LYPLA1: variants seen among roughly 807,000 people sequenced by gnomAD.
LYPLA1 encodes lysophospholipase 1, also known as acyl-protein thioesterase 1.
A neutral mutation model predicts 34.0 loss-of-function variants in LYPLA1; 17 were observed. The ratio of observed to expected loss-of-function variants is 0.50; its 90% CI spans 0.34 to 0.75. The LOEUF (loss-of-function observed/expected upper bound fraction) is 0.75. Among genes scored for constraint, LYPLA1 ranks in the 30% least tolerant of loss-of-function variants. The pLI is 0.01. For synonymous variants in LYPLA1, 98 were observed against 100.8 expected, an observed-to-expected ratio of 0.97 and a Z score of 0.17; for missense variants, 203 against 288.8, an observed-to-expected ratio of 0.70 and a Z score of 2.15.
At position 54,084,124 on chromosome 8, in the gene LYPLA1, G is replaced by GGA. The variant is rs1554547911; in HGVS notation, c.101+16783_101+16784insTC. ...CTGCACTCCAGCCTGGGAGACCAAAGAAAAAAAAAATAAATAAATATATAT... is the reference window on the plus strand; with the variant it reads ...CTGCACTCCAGCCTGGGAGACCAAAGGAAAAAAAAAAATAAATAAATATATAT... On this transcript the variant is annotated intron_variant, in intron 2 of 8. Transcript: ENST00000316963. Among the ~76,000 whole-genome samples, 44 of 56,314 alleles carry GGA rather than the reference G, an allele frequency of 7.8e-4. 2 individuals are homozygous for GGA. The highest frequency in any genetic ancestry group is 3.7e-3 in the African/African-American group (41 of 11,152). 36.9% of individuals were successfully genotyped at this position (56,314 alleles called of 152,430 possible). A position where few individuals can be genotyped will look rare whatever the true frequency, so the allele number is the denominator to read the frequency against.
chr8:54,090,422 C>T (rs1169630078), intron 2 of LYPLA1, among the ~76,000 whole-genome samples: 1 of 152,220 alleles, frequency 6.6e-6, no homozygotes, highest in African/African-American at 2.4e-5. Context: ...TACTGATGCA[C>T]ACACTATATT....
chr8:54,055,050 T>A lies in LYPLA1; in HGVS notation c.360+10A>T, dbSNP rs545931933. On this transcript the variant is annotated intron_variant, in intron 6 of 8. Transcript: ENST00000316963. The stretch of plus-strand genomic sequence containing the variant: ...GATGGTACTGACATTCCACTCAAAT[T>A]TTATCTTACCTGAGAAAACCCTCCC... 1.3e-6 allele frequency: 2 copies of A among 1,557,584 alleles called. No homozygotes were observed. The highest frequency in any genetic ancestry group is 2.2e-5 in the South Asian group (2 of 89,706).
At chr8:54,080,909 A>C (rs1808267775) in intron 2 of LYPLA1, among the ~76,000 whole-genome samples, 2 of 152,218 alleles carry the variant, frequency 1.3e-5, no homozygotes, top group Admixed American at 6.5e-5. Flanking sequence ...TTTAACATGA[A>C]TTTTAGAATT....
At chr8:54,061,532 C>T (rs755313489) in intron 5 of LYPLA1, among the ~76,000 whole-genome samples, 2 of 152,188 alleles carry the variant, frequency 1.3e-5, no homozygotes, top group South Asian at 2.1e-4. Context: ...TGAGTCCATG[C>T]GGACACTGTG....
intron 2 of LYPLA1, among the ~76,000 whole-genome samples, chr8:54,084,986 C>T (rs1405974006): frequency 6.9e-6 from 1 of 145,094 alleles, no homozygotes; most frequent in Non-Finnish European, 1.5e-5. Flanking sequence ...CTCCCTCTCC[C>T]TCCTCTCCCT....
At chr8:54,074,383 T>C (rs1335125225) in intron 2 of LYPLA1, among the ~76,000 whole-genome samples, 2 of 152,242 alleles carry the variant, frequency 1.3e-5, no homozygotes, top group Admixed American at 6.5e-5. Context: ...GCATTCTTCA[T>C]ACGTGGTTCA....
In LYPLA1 at chr8:54,101,862, G is replaced by C. The variant is rs781582022; in HGVS notation, c.-39C>G. ...TCACAGCGCAAGCGGAAGGAAGAGC[G>C]GGCGCCCGGCCGCGGCCCAAGGGCG... is the stretch of plus-strand genomic sequence containing the variant. On this transcript the variant is annotated 5_prime_UTR_variant, in exon 1 of 9. Coordinates refer to ENST00000316963, the MANE Select transcript of LYPLA1 (RefSeq NM_006330.4). 1.4e-5 allele frequency: 17 copies of C among 1,186,504 alleles called. No homozygotes were observed. In the East Asian group the frequency reaches 1.7e-4, roughly 12 times the overall value. The allele number at this position is 1,186,504 out of a possible 1,614,324, so 73.5% of individuals were successfully genotyped here.
chr8:54,084,848 C>G (rs551952006), intron 2 of LYPLA1, among the ~76,000 whole-genome samples: 3 of 152,158 alleles, frequency 2.0e-5, no homozygotes, highest in Admixed American at 2.0e-4. Flanking sequence ...ATTCAAGAAA[C>G]AAAATCTATA....
At chr8:54,073,227 C>A in intron 2 of LYPLA1, 1 of 825,156 alleles carries the variant, frequency 1.2e-6, no homozygotes. Flanking sequence ...AGATACAGGA[C>A]AGTAAGGAAC....
chr8:54,053,602 G>C (rs532153169), intron 6 of LYPLA1: 127 of 456,228 alleles, frequency 2.8e-4, no homozygotes, highest in African/African-American at 2.2e-3. Context: ...CCCAGGCAGT[G>C]ATGTTTTCTC....
At chr8:54,083,324 T>C (rs1586153462) in intron 2 of LYPLA1, among the ~76,000 whole-genome samples, 1 of 152,166 alleles carries the variant, frequency 6.6e-6, no homozygotes, top group Non-Finnish European at 1.5e-5. Flanking sequence ...CTTAGGAATA[T>C]TACTCTAAGC....
intron 5 of LYPLA1, among the ~76,000 whole-genome samples, chr8:54,057,217 A>G (rs999611693): frequency 6.6e-6 from 1 of 152,174 alleles, no homozygotes; most frequent in Admixed American, 6.5e-5. Flanking sequence ...ATAACTAAAA[A>G]TTGAGCTACC....
chr8:54,087,987 C>T (rs988894757), intron 2 of LYPLA1, among the ~76,000 whole-genome samples: 1 of 152,082 alleles, frequency 6.6e-6, no homozygotes, highest in Admixed American at 6.5e-5. Flanking sequence ...TTATTTGTCC[C>T]GACTGGCTAG....
chr8:54,096,155 G>A (rs576211452), intron 2 of LYPLA1, among the ~76,000 whole-genome samples: 1 of 152,160 alleles, frequency 6.6e-6, no homozygotes, highest in African/African-American at 2.4e-5. Context: ...TTCTTTAATA[G>A]TTCAGAAATA....
At chr8:54,100,852 CAA>C in intron 2 of LYPLA1, 54 bp downstream of exon 2, 1 of 1,442,862 alleles carries the variant, frequency 6.9e-7, no homozygotes, top group Non-Finnish European at 9.7e-7. Context: ...AACGCGTAAA[CAA>C]AAGTTGCATG....
chr8:54,080,786 C>G (rs1026814268), intron 2 of LYPLA1, among the ~76,000 whole-genome samples: 2 of 152,146 alleles, frequency 1.3e-5, no homozygotes, highest in Non-Finnish European at 2.9e-5. Context: ...CAAGGTTTCA[C>G]CATGTTGGCC....
At chr8:54,043,577 T>C (rs1805422054), downstream of LYPLA1, among the ~76,000 whole-genome samples, 1 of 151,490 alleles carries the variant, frequency 6.6e-6, no homozygotes, top group Non-Finnish European at 1.5e-5. Context: ...CCTGACCCTA[T>C]TTATTTTTTA....
In LYPLA1 at chr8:54,101,525, C is replaced by T. The variant is rs1167713425; in HGVS notation, c.69+230G>A. ...CGCGGGGGTCCCGGGGCCACACTTCCTCCGCAATGCAGGGAGGAGCTGGGG... is the reference window on the plus strand; with the variant it reads ...CGCGGGGGTCCCGGGGCCACACTTCTTCCGCAATGCAGGGAGGAGCTGGGG... On this transcript the variant is annotated intron_variant, in intron 1 of 8. Coordinates refer to ENST00000316963, the MANE Select transcript of LYPLA1 (RefSeq NM_006330.4). The T allele has an allele frequency of 5.3e-6, 6 of 1,139,116 alleles. No homozygotes were observed. In the East Asian group the frequency reaches 2.6e-4, roughly 49 times the overall value. 70.6% of individuals were successfully genotyped at this position (1,139,116 alleles called of 1,614,324 possible).
chr8:54,052,686 C>T lies in LYPLA1; in HGVS notation c.431G>A (p.Cys144Tyr). The T allele has an allele frequency of 6.2e-7, 1 of 1,613,778 alleles. No individual in the cohort carries two copies. The highest frequency in any genetic ancestry group is 8.5e-7 in the Non-Finnish European group (1 of 1,179,856). Reference protein sequence around the residue: ...QKLAGVTALSCWLPLRASFPQ... With the variant: ...QKLAGVTALSYWLPLRASFPQ... ...AAAGGAAGCCCGAAGTGGAAGCCAG[C>T]AACTGAGTGCAGTGACACCTGCCAG... The change falls in exon 7 of 9, where the codon TGC becomes TAC. Residue 144 changes from cysteine (C) to tyrosine (Y), a missense_variant. Around this residue, in one of 3 missense-constraint regions of LYPLA1, gnomAD observed 123 missense variants for 199.2 expected, o/e 0.62. Coordinates refer to ENST00000316963, the MANE Select transcript of LYPLA1 (RefSeq NM_006330.4).
Sources: allele counts gnomAD v4.1 joint callset (sites outside exome capture counted in the v4.1 genomes callset), GRCh38; gene constraint gnomAD v4.1.1; regional missense constraint gnomAD v4.1.1; transcripts MANE v1.5; gene names NCBI Gene and HGNC (gene_info 2026-07-23, HGNC 2026-07-21).